The following IP6K1 variants were observed in gnomAD, a reference collection of about 807,000 sequenced individuals.
The protein encoded by IP6K1 is ATP:1D-myo-inositol-hexakisphosphate phosphotransferase.
IP6K1 carries 13 observed loss-of-function variants against 38.3 expected under a neutral mutation model. That is an observed-to-expected ratio of 0.34 (90% CI 0.22 to 0.54). IP6K1 has a LOEUF of 0.54. Among genes scored for constraint, IP6K1 ranks in the 20% least tolerant of loss-of-function variants. IP6K1 has a pLI of 0.92. For synonymous variants in IP6K1, 212 were observed against 229.9 expected, an observed-to-expected ratio of 0.92 and a Z score of 0.70; for missense variants, 397 against 599.8, an observed-to-expected ratio of 0.66 and a Z score of 3.53.
chr3:49,727,242 G>A lies in IP6K1; in HGVS notation c.1206C>T (p.His402=). The A allele has an allele frequency of 2.5e-6, 4 of 1,614,190 alleles. No individual in the cohort carries two copies. The South Asian group carries it at 4.4e-5, about 18-fold the overall frequency. Residue 402 remains histidine (H), a synonymous_variant, in exon 6 of 6, where the codon CAC becomes CAT. Transcript: ENST00000321599. This position sits in a 1 kb window ranked among gnomAD's most constrained non-coding sequence, Gnocchi z 5.9. ...CATCCCGGAAGCCCTTGAATGTGCT[G>A]TGTGCAAAGTCAATCATGCGGACAT... ...KVDVRMIDFA[H]STFKGFRDDP...
intron 1 of IP6K1, among the ~76,000 whole-genome samples, chr3:49,771,706 AAATG>A (rs2080961442): frequency 6.6e-6 from 1 of 152,230 alleles, no homozygotes; most frequent in South Asian, 2.1e-4. Flanking sequence ...TCTTCAAGAG[AAATG>A]AATGTGTATG....
chr3:49,735,892 A>C (rs901254009), intron 3 of IP6K1, among the ~76,000 whole-genome samples: 2 of 152,174 alleles, frequency 1.3e-5, no homozygotes, highest in Admixed American at 1.3e-4. Flanking sequence ...TCAGCTTCTA[A>C]GTCAAGTCAC....
chr3:49,774,620 C>T (rs1424838497), intron 1 of IP6K1, among the ~76,000 whole-genome samples: 1 of 151,922 alleles, frequency 6.6e-6, no homozygotes, highest in Admixed American at 6.6e-5. Flanking sequence ...AATAGGTGAC[C>T]TGTGGAAATG....
chr3:49,740,036 T>C (rs913420769), intron 2 of IP6K1, among the ~76,000 whole-genome samples: 4 of 151,850 alleles, frequency 2.6e-5, no homozygotes, highest in Non-Finnish European at 4.4e-5. Context: ...AATTGTGGTG[T>C]TTGGGCCAGG....
chr3:49,758,312 C>T (rs1189419512), intron 1 of IP6K1, among the ~76,000 whole-genome samples: 1 of 70,028 alleles, frequency 1.4e-5, no homozygotes, highest in Non-Finnish European at 2.5e-5. Flanking sequence ...AAGACTCCAT[C>T]TCAAAAAAAA....
At chr3:49,735,235 G>C (rs1254698991) in intron 3 of IP6K1, among the ~76,000 whole-genome samples, 1 of 152,168 alleles carries the variant, frequency 6.6e-6, no homozygotes, top group African/African-American at 2.4e-5. Context: ...TGCACCTGTA[G>C]TCCCAGCTAC....
rs548604540 is a variant in IP6K1 at position 49,768,328 on chromosome 3, A to C, written c.-129+18026T>G. Among the ~76,000 whole-genome samples, 3 of 152,372 alleles carry C rather than the reference A, an allele frequency of 2.0e-5. No homozygotes were observed. In the South Asian group the frequency reaches 6.2e-4, roughly 32 times the overall value. On this transcript the variant is annotated intron_variant, in intron 1 of 5. Transcript: ENST00000321599. ...ATAAATGGATAAAGATATGCGGTATATACATACAGTGAAATATTATTCAGC... is the reference window on the plus strand; with the variant it reads ...ATAAATGGATAAAGATATGCGGTATCTACATACAGTGAAATATTATTCAGC...
At position 49,727,548 on chromosome 3, in the gene IP6K1, G is replaced by A. The variant is rs2080520195; in HGVS notation, c.900C>T (p.Gly300=). ...CAAACAGGTCACGTCGCAGGTCCAGGCCATTGTGCAGATATTGATAGAGGG... is the reference window on the plus strand; with the variant it reads ...CAAACAGGTCACGTCGCAGGTCCAGACCATTGTGCAGATATTGATAGAGGG... The part of the protein sequence containing the change: ...RNALYQYLHN[G]LDLRRDLFEP... The change falls in exon 6 of 6, where the codon GGC becomes GGT. Residue 300 remains glycine (G), a synonymous_variant. Transcript: ENST00000321599. This position sits in a 1 kb window ranked among gnomAD's most constrained non-coding sequence, Gnocchi z 5.9. 1 of 1,614,196 alleles carries A rather than the reference G, an allele frequency of 6.2e-7. No individual in the cohort carries two copies. The highest frequency in any genetic ancestry group is 8.5e-7 in the Non-Finnish European group (1 of 1,180,036).
At chr3:49,784,646 G>GGA (rs751555880) in intron 1 of IP6K1, among the ~76,000 whole-genome samples, 1 of 134,514 alleles carries the variant, frequency 7.4e-6, no homozygotes, top group Non-Finnish European at 1.6e-5. Context: ...CTTCGTCTCA[G>GGA]AAAAAAAAAA....
At chr3:49,772,944 C>G (rs1406806589) in intron 1 of IP6K1, among the ~76,000 whole-genome samples, 1 of 151,972 alleles carries the variant, frequency 6.6e-6, no homozygotes, top group African/African-American at 2.4e-5. Flanking sequence ...CTACCTCAGC[C>G]TCCCCAGTTG....
intron 1 of IP6K1, among the ~76,000 whole-genome samples, chr3:49,781,485 AAAG>A (rs2081065490): frequency 1.3e-5 from 2 of 152,332 alleles, no homozygotes; most frequent in South Asian, 4.1e-4. Context: ...GACGTTTTAT[AAAG>A]AAGGTAGGTA....
At chr3:49,748,359 C>T (rs1056093785) in intron 1 of IP6K1, among the ~76,000 whole-genome samples, 191 bp from the exon 2 acceptor site, 2 of 152,176 alleles carry the variant, frequency 1.3e-5, no homozygotes, top group African/African-American at 4.8e-5. Context: ...TTGGCCTCTT[C>T]CATCTATCTT....
intron 1 of IP6K1, among the ~76,000 whole-genome samples, chr3:49,756,838 A>AAAAAAAAAAAAAAG (rs1559710132): frequency 3.4e-5 from 4 of 119,172 alleles, no homozygotes; most frequent in Non-Finnish European, 3.4e-5. Context: ...AAAAAAAAAA[A>AAAAAAAAAAAAAAG]AAAGAAAAAA....
chr3:49,729,121 G>A (rs2080540885), intron 4 of IP6K1, among the ~76,000 whole-genome samples: 2 of 151,894 alleles, frequency 1.3e-5, no homozygotes, highest in African/African-American at 2.4e-5. Flanking sequence ...CCTCCTCCCA[G>A]CCCCTGGGAA....
intron 2 of IP6K1, among the ~76,000 whole-genome samples, chr3:49,745,296 GAGC>G (rs1490212371): frequency 6.6e-6 from 1 of 152,206 alleles, no homozygotes; most frequent in Non-Finnish European, 1.5e-5. Context: ...AAGGTTGGAG[GAGC>G]AGGTGTGGAT....
chr3:49,757,409 CCAT>C (rs2080833275), intron 1 of IP6K1, among the ~76,000 whole-genome samples: 1 of 152,212 alleles, frequency 6.6e-6, no homozygotes, highest in African/African-American at 2.4e-5. Context: ...TTACTCCTCA[CCAT>C]GTTATCTTTT....
intron 2 of IP6K1, among the ~76,000 whole-genome samples, chr3:49,740,802 T>C (rs1009249994): frequency 6.6e-6 from 1 of 152,198 alleles, no homozygotes; most frequent in African/African-American, 2.4e-5. Context: ...TGAATGATGC[T>C]GTTGTGAACA....
At chr3:49,775,114 G>A (rs2080995176) in intron 1 of IP6K1, among the ~76,000 whole-genome samples, 1 of 152,126 alleles carries the variant, frequency 6.6e-6, no homozygotes, top group Non-Finnish European at 1.5e-5. Context: ...TTCCTTGTAA[G>A]GTAATCAAAG....
intron 3 of IP6K1, 119 bp downstream of exon 3, chr3:49,738,093 C>T (rs2080630408): frequency 2.5e-6 from 2 of 785,330 alleles, no homozygotes; most frequent in South Asian, 3.2e-5. Context: ...TGTGGGTATC[C>T]CAAGAACACC....
Sources: allele counts gnomAD v4.1 joint callset (sites outside exome capture counted in the v4.1 genomes callset), GRCh38; gene constraint gnomAD v4.1.1; non-coding constraint Gnocchi (gnomAD v3.1); transcripts MANE v1.5; gene names NCBI Gene and HGNC (gene_info 2026-07-23, HGNC 2026-07-21).